EPM2A: variants seen among roughly 807,000 people sequenced by gnomAD.
The protein encoded by EPM2A is laforin.
In EPM2A, 21 loss-of-function variants were observed where a neutral mutation model predicts 26.5. The observed-to-expected ratio is 0.79, with a 90% CI of 0.56 to 1.14. EPM2A has a LOEUF of 1.14. Ranked by LOEUF, EPM2A falls within the 50% of genes most tolerant of loss-of-function variation. The pLI, the probability that EPM2A is intolerant of heterozygous loss-of-function variation, is 0.00. For synonymous variants in EPM2A, 217 were observed against 177.6 expected, an observed-to-expected ratio of 1.22 and a Z score of -1.76; for missense variants, 458 against 440.8, an observed-to-expected ratio of 1.04 and a Z score of -0.35.
intron 4 of EPM2A, among the ~76,000 whole-genome samples, chr6:145,405,669 T>C (rs924454279): frequency 3.3e-5 from 5 of 152,154 alleles, no homozygotes; most frequent in Admixed American, 6.6e-5. Context: ...TTATTTAGGT[T>C]GCCTCTGAAA....
At chr6:145,694,807 A>C (rs1402599328) in intron 1 of EPM2A, among the ~76,000 whole-genome samples, 1 of 151,996 alleles carries the variant, frequency 6.6e-6, no homozygotes, top group Non-Finnish European at 1.5e-5. Flanking sequence ...CTGTCAGTAC[A>C]ACCTACCACA....
chr6:145,718,880 C>CA (rs1554267291), intron 1 of EPM2A, among the ~76,000 whole-genome samples: 2 of 152,160 alleles, frequency 1.3e-5, no homozygotes, highest in Non-Finnish European at 2.9e-5. Flanking sequence ...AAATGCTCAT[C>CA]ATCACTGGCC....
chr6:145,567,161 C>T (rs1002945216), intron 2 of EPM2A, among the ~76,000 whole-genome samples: 4 of 152,210 alleles, frequency 2.6e-5, no homozygotes, highest in African/African-American at 9.6e-5. Flanking sequence ...TTCTTAAACA[C>T]TGCAGTGACC....
chr6:145,481,285 C>A (rs950675174), intron 4 of EPM2A, among the ~76,000 whole-genome samples: 1 of 152,058 alleles, frequency 6.6e-6, no homozygotes, highest in Non-Finnish European at 1.5e-5. Context: ...AATTAAAAGG[C>A]ATATTTGTTC....
At chr6:145,393,538 G>A (rs951835579) in intron 4 of EPM2A, among the ~76,000 whole-genome samples, 3 of 152,240 alleles carry the variant, frequency 2.0e-5, no homozygotes, top group Non-Finnish European at 2.9e-5. Context: ...GTACTACGAC[G>A]AAGGGAAGAG....
intron 4 of EPM2A, among the ~76,000 whole-genome samples, chr6:145,430,357 T>C (rs1373854404): frequency 6.6e-6 from 1 of 152,060 alleles, no homozygotes; most frequent in Non-Finnish European, 1.5e-5. Flanking sequence ...CCCAGCACTT[T>C]GGGAGGCCAA....
intron 2 of EPM2A, among the ~76,000 whole-genome samples, chr6:145,533,225 A>T (rs1780385496): frequency 6.6e-6 from 1 of 152,144 alleles, no homozygotes; most frequent in South Asian, 2.1e-4. Flanking sequence ...CTGATCCATC[A>T]TCAAATCCTG....
At chr6:145,679,909 G>C (rs1017572622) in intron 2 of EPM2A, among the ~76,000 whole-genome samples, 1 of 152,008 alleles carries the variant, frequency 6.6e-6, no homozygotes, top group Admixed American at 6.6e-5. Flanking sequence ...GTGGAATACT[G>C]ATCTCATGAA....
intron 1 of EPM2A, among the ~76,000 whole-genome samples, chr6:145,708,073 G>T (rs1333884587): frequency 6.6e-6 from 1 of 152,158 alleles, no homozygotes; most frequent in Non-Finnish European, 1.5e-5. Context: ...AAAGAGACTC[G>T]CACCATTTGG....
intron 2 of EPM2A, among the ~76,000 whole-genome samples, chr6:145,650,745 T>A (rs1472313890): frequency 6.6e-6 from 1 of 152,298 alleles, no homozygotes; most frequent in Middle Eastern, 3.4e-3. Flanking sequence ...TAGTCAAACC[T>A]ACTTTTATCA....
chr6:145,735,008 C>T (rs2128648845), intron 1 of EPM2A, 190 bp downstream of exon 1: 1 of 367,426 alleles, frequency 2.7e-6, no homozygotes, highest in South Asian at 8.6e-5. Context: ...GGAGGCGCGG[C>T]TGGCGGCGAC....
intron 2 of EPM2A, among the ~76,000 whole-genome samples, chr6:145,656,832 C>T (rs1167104200): frequency 1.3e-5 from 2 of 152,146 alleles, no homozygotes; most frequent in African/African-American, 4.8e-5. Flanking sequence ...TTACAAGACT[C>T]TTTTAAATTC....
rs113688503 is a variant in EPM2A at position 145,579,907 on chromosome 6, A to G, written c.340+55338T>C. Reference sequence around the variant, plus strand: ...ATATTAGTTATCTCTAACATATAACAGTCTATATTCAAGTGATATTATAAT... The same window carrying G: ...ATATTAGTTATCTCTAACATATAACGGTCTATATTCAAGTGATATTATAAT... On this transcript the variant is annotated intron_variant, in intron 2 of 3. Transcript: ENST00000450221. 4.3e-3 allele frequency among the ~76,000 whole-genome samples: 654 copies of G among 152,256 alleles called. 2 individuals are homozygous for G. Among genetic ancestry groups the G allele is most frequent in the African/African-American group, 0.015 (621 of 41,552 alleles).
At chr6:145,735,531 G>T (rs1264952067), upstream of EPM2A, 5 of 1,168,826 alleles carry the variant, frequency 4.3e-6, no homozygotes, top group African/African-American at 1.6e-5. Flanking sequence ...ACCCGGGCCC[G>T]GAGTCCCCGC....
intron 2 of EPM2A, among the ~76,000 whole-genome samples, chr6:145,563,282 A>C (rs1038707164): frequency 6.6e-6 from 1 of 151,942 alleles, no homozygotes; most frequent in African/African-American, 2.4e-5. Flanking sequence ...ATAAAAAAAA[A>C]TGCAGTTCGA....
At chr6:145,699,627 T>C (rs1781804142) in intron 1 of EPM2A, among the ~76,000 whole-genome samples, 2 of 152,086 alleles carry the variant, frequency 1.3e-5, no homozygotes, top group African/African-American at 4.8e-5. Flanking sequence ...AGTTAGGAAA[T>C]GGATAAGAAC....
intron 2 of EPM2A, among the ~76,000 whole-genome samples, chr6:145,677,187 T>C (rs1238252690): frequency 2.6e-5 from 4 of 152,086 alleles, no homozygotes; most frequent in Non-Finnish European, 5.9e-5. Flanking sequence ...AAAAACCACA[T>C]GATTATCTCA....
chr6:145,657,000 A>G (rs1778339785), intron 2 of EPM2A, among the ~76,000 whole-genome samples: 1 of 152,156 alleles, frequency 6.6e-6, no homozygotes, highest in African/African-American at 2.4e-5. Context: ...AATTCGTGTT[A>G]GAGAATTTCA....
intron 2 of EPM2A, among the ~76,000 whole-genome samples, chr6:145,647,544 G>A (rs758696863): frequency 1.3e-5 from 2 of 152,196 alleles, no homozygotes; most frequent in African/African-American, 2.4e-5. Flanking sequence ...TGAATTATGA[G>A]TTTTCTTAAG....
Sources: allele counts gnomAD v4.1 joint callset (sites outside exome capture counted in the v4.1 genomes callset), GRCh38; gene constraint gnomAD v4.1.1; transcripts MANE v1.5; gene names NCBI Gene and HGNC (gene_info 2026-07-23, HGNC 2026-07-21).